The following ATP10A variants were observed in gnomAD, a reference collection of about 807,000 sequenced individuals.
ATP10A encodes phospholipid-transporting ATPase VA.
Under a neutral mutation model 147.8 loss-of-function variants are expected in ATP10A, and 111 were observed. The ratio of observed to expected loss-of-function variants is 0.75; its 90% CI spans 0.64 to 0.88. The LOEUF (loss-of-function observed/expected upper bound fraction) is 0.88, where lower values mean the gene tolerates loss of function less well. Ranked by LOEUF, ATP10A falls within the 40% of genes least tolerant of loss-of-function variation. ATP10A has a pLI of 0.00. For missense variants in ATP10A, 1,927 were observed against 1,959.0 expected, an observed-to-expected ratio of 0.98 and a Z score of 0.31; for synonymous variants, 875 against 841.6, an observed-to-expected ratio of 1.04 and a Z score of -0.69.
Position 25,799,942 on chromosome 15 carries a change from A to T in ATP10A, c.450-18719T>A, listed in dbSNP as rs1285829571. ...ACCCAGAAAACCCAACAGAGTGGAA[A>T]CAATTCTTCACTAATAGGAATTATT... is the stretch of plus-strand genomic sequence containing the variant. On this transcript the variant is annotated intron_variant, in intron 1 of 20. Coordinates refer to ENST00000555815, the MANE Select transcript of ATP10A (RefSeq NM_024490.4). Among the ~76,000 whole-genome samples the T allele has an allele frequency of 4.6e-5, 7 of 152,286 alleles. No homozygotes were observed. In the South Asian group the frequency reaches 1.5e-3, roughly 32 times the overall value.
At chr15:25,696,158 C>G (rs547396052) in intron 13 of ATP10A, among the ~76,000 whole-genome samples, 1 of 152,272 alleles carries the variant, frequency 6.6e-6, no homozygotes, top group South Asian at 2.1e-4. Context: ...CAGTGCCCTG[C>G]AACACACCAC....
intron 13 of ATP10A, among the ~76,000 whole-genome samples, chr15:25,696,502 G>T (rs981789199): frequency 4.6e-5 from 7 of 152,248 alleles, no homozygotes; most frequent in African/African-American, 1.7e-4. Flanking sequence ...TCATCCCGTT[G>T]CTCCCACTGA....
At chr15:25,687,981 T>C (rs756070832) in intron 15 of ATP10A, 153 bp from the exon 16 acceptor site, 3 of 965,120 alleles carry the variant, frequency 3.1e-6, no homozygotes, top group African/African-American at 1.6e-5. Flanking sequence ...ATCGCTGTCG[T>C]CTCCCTCAGC....
At chr15:25,696,637 C>T (rs895093167) in intron 13 of ATP10A, among the ~76,000 whole-genome samples, 1 of 152,212 alleles carries the variant, frequency 6.6e-6, no homozygotes, top group Non-Finnish European at 1.5e-5. Context: ...GTGGGTATGT[C>T]ACTGTCACTC....
intron 1 of ATP10A, among the ~76,000 whole-genome samples, chr15:25,859,273 C>T (rs1278075104): frequency 1.3e-5 from 2 of 152,220 alleles, no homozygotes; most frequent in Non-Finnish European, 2.9e-5. Context: ...CCTGTTCCAG[C>T]TGGACACTCA....
At chr15:25,732,745 C>T (rs1422327331) in intron 3 of ATP10A, among the ~76,000 whole-genome samples, 4 of 151,806 alleles carry the variant, frequency 2.6e-5, no homozygotes, top group African/African-American at 4.8e-5. Context: ...TTAGTAGAGA[C>T]GGGGTTTCAC....
At chr15:25,678,207 C>G (rs999332675), downstream of ATP10A, 1 of 151,982 alleles carries the variant, frequency 6.6e-6, no homozygotes, top group Non-Finnish European at 1.5e-5. Context: ...ATGAGCCATG[C>G]TTTCCTGATA....
intron 3 of ATP10A, among the ~76,000 whole-genome samples, chr15:25,730,449 C>A (rs867086607): frequency 1.3e-5 from 2 of 152,286 alleles, no homozygotes; most frequent in African/African-American, 2.4e-5. Context: ...CCCCAGGCAT[C>A]TCCCTGGTCA....
At chr15:25,804,014 T>G (rs4563019) in intron 1 of ATP10A, among the ~76,000 whole-genome samples, 1 of 151,208 alleles carries the variant, frequency 6.6e-6, no homozygotes. Flanking sequence ...TTTGTCAGTA[T>G]GCAGCATGGT....
chr15:25,784,572 G>A (rs1890071156), intron 1 of ATP10A, among the ~76,000 whole-genome samples: 1 of 152,170 alleles, frequency 6.6e-6, no homozygotes, highest in Admixed American at 6.5e-5. Flanking sequence ...TCACTGTCCT[G>A]GTTTGTGGGA....
intron 1 of ATP10A, among the ~76,000 whole-genome samples, chr15:25,820,792 A>G (rs896069962): frequency 5.9e-5 from 9 of 152,214 alleles, no homozygotes; most frequent in African/African-American, 2.2e-4. Context: ...AAAGTTCCAG[A>G]TAAATTAAAA....
chr15:25,704,992 A>C (rs1198694244), intron 12 of ATP10A, among the ~76,000 whole-genome samples: 1 of 152,220 alleles, frequency 6.6e-6, no homozygotes, highest in East Asian at 1.9e-4. Flanking sequence ...ACATTTAGAG[A>C]AACTAGCAAG....
chr15:25,718,215 C>A lies in ATP10A; in HGVS notation c.1548G>T (p.Met516Ile). 1.9e-6 allele frequency: 3 copies of A among 1,613,116 alleles called. No homozygotes were observed. The highest frequency in any genetic ancestry group is 8.5e-7 in the Non-Finnish European group (1 of 1,179,994). Residue 516 changes from methionine (M) to isoleucine (I), a missense_variant, in exon 8 of 21, where the codon ATG (methionine) becomes ATT (isoleucine). By Grantham distance (10) the Met-to-Ile change is conservative. Transcript: ENST00000555815. ...TGCTGAAGGCCGTGTGCTTGGACAG[C>A]ATGCTGGCCCTCTTGGCCTCGGCCC... ...GSRAEAKRAS[M>I]LSKHTAFSSP...
In ATP10A at chr15:25,695,955, G is replaced by A. The variant is rs115750923; in HGVS notation, c.2761-809C>T. On this transcript the variant is annotated intron_variant, in intron 13 of 20. Transcript: ENST00000555815. ...AAGAAAAAAAAAAAAGCACAATTACGGAGGCTTTTAATAGGCAAAACTTGA... is the reference window on the plus strand; with the variant it reads ...AAGAAAAAAAAAAAAGCACAATTACAGAGGCTTTTAATAGGCAAAACTTGA... 2.1e-3 allele frequency among the ~76,000 whole-genome samples: 316 copies of A among 151,986 alleles called. 3 individuals are homozygous for A. Among genetic ancestry groups the A allele is most frequent in the African/African-American group, 7.1e-3 (293 of 41,456 alleles).
downstream of ATP10A, among the ~76,000 whole-genome samples, chr15:25,673,857 G>A (rs1899087924): frequency 6.6e-6 from 1 of 152,192 alleles, no homozygotes; most frequent in Non-Finnish European, 1.5e-5. Context: ...AGCCTGGCTG[G>A]GCTGCCTCAG....
chr15:25,707,944 G>T, intron 12 of ATP10A, 32 bp downstream of exon 12: 1 of 1,611,226 alleles, frequency 6.2e-7, no homozygotes, highest in Non-Finnish European at 8.5e-7. Flanking sequence ...ACTCCACACT[G>T]CCCTTAGGCA....
intron 2 of ATP10A, among the ~76,000 whole-genome samples, chr15:25,743,095 A>G (rs188667397): frequency 2.5e-4 from 38 of 152,308 alleles, no homozygotes; most frequent in East Asian, 1.7e-3. Flanking sequence ...GCCTCAGTGT[A>G]TTTGTAATAA....
chr15:25,779,968 G>A lies in ATP10A; in HGVS notation c.654+1051C>T, dbSNP rs573290341. Among the ~76,000 whole-genome samples the A allele has an allele frequency of 3.3e-5, 5 of 152,250 alleles. No homozygotes were observed. The South Asian group carries it at 1.0e-3, about 32-fold the overall frequency. The stretch of plus-strand genomic sequence containing the variant: ...TGCCGCAGGCAGGCCGGGCGGGCGA[G>A]GTGCGGAGTACCTGGCCTGCTGCAA... On this transcript the variant is annotated intron_variant, in intron 2 of 20. Transcript: ENST00000555815.
Position 25,701,989 on chromosome 15 carries a change from G to A in ATP10A, c.2687C>T (p.Ala896Val). The change falls in exon 13 of 21, where the codon GCT (alanine) becomes GTT (valine). Residue 896 changes from alanine to valine, a missense_variant. By Grantham distance (64) the Ala-to-Val change is moderately conservative. Transcript: ENST00000555815. ...TTTGCAGGCATATGCAATGTTGACA[G>A]CTGTTTCTTGTTTGTCACCAGTGAG... is the stretch of plus-strand genomic sequence containing the variant. Reference protein sequence around the residue: ...WVLTGDKQETAVNIAYACKLL... With the variant: ...WVLTGDKQETVVNIAYACKLL... 1 of 1,614,154 alleles carries A rather than the reference G, an allele frequency of 6.2e-7. No homozygotes were observed. Among genetic ancestry groups the A allele is most frequent in the Non-Finnish European group, 8.5e-7 (1 of 1,180,024 alleles).
Sources: gnomAD v4.1 joint callset for allele counts (sites outside exome capture counted in the v4.1 genomes callset) on GRCh38, gnomAD v4.1.1 for gene constraint, MANE v1.5 for transcripts, NCBI Gene and HGNC (gene_info 2026-07-23, HGNC 2026-07-21) for gene names.